The following EFHC2 variants were observed in gnomAD, a reference collection of about 807,000 sequenced individuals.
EFHC2 encodes EF-hand domain containing 2.
A neutral mutation model predicts 52.7 loss-of-function variants in EFHC2; 18 were observed. That is an observed-to-expected ratio of 0.34 (90% CI 0.24 to 0.51). EFHC2 has a LOEUF of 0.51. Among genes scored for constraint, EFHC2 ranks in the 20% least tolerant of loss-of-function variants. The probability of loss-of-function intolerance (pLI) is 0.97; values close to 1 mark genes in which losing one functional copy is unlikely to be tolerated. For synonymous variants in EFHC2, 203 were observed against 204.1 expected (o/e 0.99, Z 0.04); for missense variants, 513 against 562.5 (o/e 0.91, Z 0.89).
intron 2 of EFHC2, chrX:44,309,488 G>A (rs2037929374): frequency 1.7e-6 from 2 of 1,204,937 alleles, no homozygotes; most frequent in South Asian, 3.5e-5. Context: ...TCCAGCATAA[G>A]TCTGTCTGCC....
chrX:44,292,209 TACAC>T (rs747764616), intron 2 of EFHC2, among the ~76,000 whole-genome samples: 34 of 109,542 alleles, frequency 3.1e-4, no homozygotes, highest in African/African-American at 9.0e-4. Context: ...ATTTATCACA[TACAC>T]ACACACACAC....
intron 1 of EFHC2, among the ~76,000 whole-genome samples, chrX:44,338,346 A>T (rs1328543489): frequency 2.5e-5 from 2 of 81,135 alleles, no homozygotes; most frequent in African/African-American, 1.1e-4. Flanking sequence ...ATAATAATTT[A>T]AAAAATTAGC....
chrX:44,193,420 G>A (rs1306005703), intron 11 of EFHC2, among the ~76,000 whole-genome samples: 1 of 110,905 alleles, frequency 9.0e-6, no homozygotes, highest in African/African-American at 3.3e-5. Context: ...CCCTAACCCT[G>A]GCAAAATAAA....
chrX:44,316,991 T>C (rs779486010), intron 1 of EFHC2, among the ~76,000 whole-genome samples: 1 of 112,154 alleles, frequency 8.9e-6, no homozygotes, highest in South Asian at 3.7e-4. Context: ...CTATTGTTAC[T>C]ACTTGAGACC....
chrX:44,225,397 A>G (rs1462599288), intron 11 of EFHC2, among the ~76,000 whole-genome samples: 1 of 111,141 alleles, frequency 9.0e-6, no homozygotes, highest in Non-Finnish European at 1.9e-5. Flanking sequence ...ATACAGAGGT[A>G]GTTTATCAGC....
chrX:44,274,302 T>A (rs2037639019), intron 2 of EFHC2, among the ~76,000 whole-genome samples: 1 of 112,092 alleles, frequency 8.9e-6, no homozygotes, highest in Non-Finnish European at 1.9e-5. Flanking sequence ...CTGACTCCAA[T>A]TAGGTTAGCT....
chrX:44,338,752 A>G (rs2038132944), intron 1 of EFHC2, among the ~76,000 whole-genome samples: 1 of 105,780 alleles, frequency 9.5e-6, no homozygotes. Flanking sequence ...GCTGGTCATG[A>G]TTCATTAAAT....
rs928441960 is a variant in EFHC2 at position 44,248,398 on chromosome X, C to G, written c.985G>C (p.Asp329His). 2 of 1,187,420 alleles carry G rather than the reference C, an allele frequency of 1.7e-6. No individual in the cohort carries two copies. Among genetic ancestry groups the G allele is most frequent in the Non-Finnish European group, 2.3e-6 (2 of 882,762 alleles). The change falls in exon 7 of 15, where the codon GAC becomes CAC. Residue 329 changes from aspartate to histidine, a missense_variant. Coordinates refer to ENST00000420999, the MANE Select transcript of EFHC2 (RefSeq NM_025184.4). Reference protein sequence around the residue: ...LFDRYKLGKVDQEFYKDSDLS... With the variant: ...LFDRYKLGKVHQEFYKDSDLS... Reference sequence around the variant, plus strand: ...TCACTATCTTTGTAAAACTCTTGGTCTACTTTTCCTAGCTAAAAAAGACAA... The same window carrying G: ...TCACTATCTTTGTAAAACTCTTGGTGTACTTTTCCTAGCTAAAAAAGACAA...
intron 1 of EFHC2, among the ~76,000 whole-genome samples, chrX:44,321,598 GGAAGAACACCAGGA>G (rs2038021190): frequency 9.0e-6 from 1 of 111,553 alleles, no homozygotes; most frequent in South Asian, 3.7e-4. Context: ...TGGTAAGATG[GGAAGAACACCAGGA>G]GAGTTTAGTA....
intron 2 of EFHC2, among the ~76,000 whole-genome samples, chrX:44,296,416 GA>G (rs2037826047): frequency 9.0e-6 from 1 of 111,637 alleles, no homozygotes; most frequent in Admixed American, 9.5e-5. Context: ...AATTCTGAAT[GA>G]AAAATATCAA....
rs190575936 is a variant in EFHC2 at position 44,196,399 on chromosome X, T to C, written c.1752-17835A>G. 3.6e-4 allele frequency among the ~76,000 whole-genome samples: 41 copies of C among 112,406 alleles called. No homozygotes were observed. In the South Asian group the frequency reaches 0.013, roughly 36 times the overall value. On this transcript the variant is annotated intron_variant, in intron 11 of 14. Coordinates refer to ENST00000420999, the MANE Select transcript of EFHC2 (RefSeq NM_025184.4). The stretch of plus-strand genomic sequence containing the variant: ...CCTGTTCTTTCTTACTTATATTTTT[T>C]CTTTTATTTTTAGCATTTGCATATT...
chrX:44,174,324 G>T (rs2036767824), intron 13 of EFHC2, among the ~76,000 whole-genome samples: 1 of 111,129 alleles, frequency 9.0e-6, no homozygotes, highest in Non-Finnish European at 1.9e-5. Flanking sequence ...AGTGGAGGAG[G>T]GGGGTAAAAT....
At chrX:44,207,506 G>A (rs1231364042) in intron 11 of EFHC2, among the ~76,000 whole-genome samples, 1 of 106,245 alleles carries the variant, frequency 9.4e-6, no homozygotes, top group Non-Finnish European at 1.9e-5. Context: ...GTGAGACTCC[G>A]TCTCTAAAAA....
chrX:44,154,044 G>A (rs1445964537), intron 14 of EFHC2, among the ~76,000 whole-genome samples: 2 of 112,617 alleles, frequency 1.8e-5, no homozygotes, highest in Non-Finnish European at 3.7e-5. Flanking sequence ...GCTTACTTGT[G>A]TCTCTGTAAA....
At chrX:44,201,244 C>A (rs954731387) in intron 11 of EFHC2, among the ~76,000 whole-genome samples, 1 of 111,043 alleles carries the variant, frequency 9.0e-6, no homozygotes, top group Admixed American at 9.6e-5. Context: ...TACACCACAG[C>A]TAAAGTAATA....
intron 11 of EFHC2, among the ~76,000 whole-genome samples, chrX:44,181,072 G>A (rs2036831557): frequency 1.8e-5 from 2 of 111,268 alleles, no homozygotes; most frequent in South Asian, 7.6e-4. Context: ...TCCAGCATGA[G>A]TGACAGACAA....
At chrX:44,206,310 T>C (rs962976580) in intron 11 of EFHC2, among the ~76,000 whole-genome samples, 1 of 111,744 alleles carries the variant, frequency 8.9e-6, no homozygotes, top group Admixed American at 9.5e-5. Flanking sequence ...AAGACAAGTA[T>C]GTCCGCTCTC....
At chrX:44,254,288 AG>A (rs2037475730) in intron 4 of EFHC2, among the ~76,000 whole-genome samples, 1 of 112,269 alleles carries the variant, frequency 8.9e-6, no homozygotes, top group Non-Finnish European at 1.9e-5. Flanking sequence ...AATTGACAGA[AG>A]TAGGCTTCAG....
chrX:44,275,836 C>A (rs2037652581), intron 2 of EFHC2, among the ~76,000 whole-genome samples: 1 of 107,601 alleles, frequency 9.3e-6, no homozygotes. Flanking sequence ...ATCGCTTGAA[C>A]CCGGGAGGTG....
Sources: allele counts gnomAD v4.1 joint callset (sites outside exome capture counted in the v4.1 genomes callset), GRCh38; gene constraint gnomAD v4.1.1; transcripts MANE v1.5; gene names NCBI Gene and HGNC (gene_info 2026-07-23, HGNC 2026-07-21).